Variants in LPGAT1 observed in about 807,000 individuals in gnomAD.
The protein encoded by LPGAT1 is lysophosphatidylglycerol acyltransferase 1.
LPGAT1 carries 11 observed loss-of-function variants against 47.5 expected under a neutral mutation model. The observed-to-expected ratio is 0.23, with a 90% CI of 0.15 to 0.38. The LOEUF (loss-of-function observed/expected upper bound fraction) is 0.38. Among genes scored for constraint, LPGAT1 ranks in the 10% least tolerant of loss-of-function variants. LPGAT1 has a pLI of 1.00. For synonymous variants in LPGAT1, 138 were observed against 144.2 expected (o/e 0.96, Z 0.31); for missense variants, 293 against 439.0 (o/e 0.67, Z 2.97).
chr1:211,748,368 GA>G lies in LPGAT1; in HGVS notation c.*1530del, dbSNP rs972822216. 4 of 152,226 alleles carry G rather than the reference GA, an allele frequency of 2.6e-5. No individual in the cohort carries two copies. Among genetic ancestry groups the G allele is most frequent in the Non-Finnish European group, 5.9e-5 (4 of 68,034 alleles). 9.4% of individuals were successfully genotyped at this position (152,226 alleles called of 1,614,324 possible). ...TTCTAAAAAATGTTTTCTAGAAATA[GA>G]AACTTGACTTTACCCTCTTCAAAAG... On this transcript the variant is annotated 3_prime_UTR_variant, in exon 8 of 8. Coordinates refer to ENST00000366997, the MANE Select transcript of LPGAT1 (RefSeq NM_014873.3).
At chr1:211,783,612 T>C (rs1324114010) in intron 4 of LPGAT1, 110 bp from the exon 5 acceptor site, 1 of 1,007,998 alleles carries the variant, frequency 9.9e-7, no homozygotes, top group Non-Finnish European at 1.4e-6. Context: ...CAGAATAGAA[T>C]AGTGATTCCC....
intron 2 of LPGAT1, among the ~76,000 whole-genome samples, chr1:211,803,265 T>A (rs79889342): frequency 2.0e-5 from 3 of 152,206 alleles, no homozygotes; most frequent in Non-Finnish European, 4.4e-5. Context: ...GATGGTATGT[T>A]TCACTAAAAT....
chr1:211,783,320 C>G lies in LPGAT1; in HGVS notation c.636G>C (p.Leu212=). Residue 212 remains leucine (L), a synonymous_variant, in exon 5 of 8, where the codon CTG becomes CTC. Transcript: ENST00000366997. ...TAATTTTTGTTGCCCCAGACCTTGG[C>G]AGAGTAACATTTGTAAGAAATGGCA... The part of the protein sequence containing the change: ...NNLPFLTNVT[L]PRSGATKIIL... The G allele has an allele frequency of 6.2e-7, 1 of 1,614,150 alleles. No homozygotes were observed. The highest frequency in any genetic ancestry group is 8.5e-7 in the Non-Finnish European group (1 of 1,180,016).
chr1:211,789,329 C>T lies in LPGAT1; in HGVS notation c.358-1602G>A, dbSNP rs532227078. ...TGGGTTTTAAATGCCAAATAACTAG[C>T]TTTTATATTTAACCTTTCATTCATG... On this transcript the variant is annotated intron_variant, in intron 3 of 7. Coordinates refer to ENST00000366997, the MANE Select transcript of LPGAT1 (RefSeq NM_014873.3). 9.9e-5 allele frequency among the ~76,000 whole-genome samples: 15 copies of T among 152,206 alleles called. No homozygotes were observed. In the South Asian group the frequency reaches 3.1e-3, roughly 32 times the overall value.
At chr1:211,828,416 C>T (rs1660609741) in intron 2 of LPGAT1, among the ~76,000 whole-genome samples, 1 of 152,154 alleles carries the variant, frequency 6.6e-6, no homozygotes, top group Admixed American at 6.5e-5. Flanking sequence ...GTTACTCTTG[C>T]TTCCCCAAAT....
intron 6 of LPGAT1, among the ~76,000 whole-genome samples, chr1:211,763,489 T>C (rs181802331): frequency 3.4e-4 from 52 of 152,268 alleles, no homozygotes; most frequent in African/African-American, 1.2e-3. Flanking sequence ...TCCACAACTG[T>C]GAGAAAGAAA....
Position 211,744,949 on chromosome 1 carries a change from C to T in LPGAT1, c.*4950G>A, listed in dbSNP as rs183417774. 2.6e-5 allele frequency: 4 copies of T among 152,672 alleles called. No homozygotes were observed. In the East Asian group the frequency reaches 7.7e-4, roughly 29 times the overall value. 9.5% of individuals were successfully genotyped at this position (152,672 alleles called of 1,614,324 possible). A position where few individuals can be genotyped will look rare whatever the true frequency, so the allele number is the denominator to read the frequency against. ...AAATAGCTCTGGTAAAACACACATG[C>T]CCCATCCCCACTGCTAAGAATTAAA... is the stretch of plus-strand genomic sequence containing the variant. On this transcript the variant is annotated 3_prime_UTR_variant, in exon 8 of 8. Transcript: ENST00000366997.
chr1:211,795,475 C>T lies in LPGAT1; in HGVS notation c.239-2285G>A, dbSNP rs540125842. 4.6e-5 allele frequency among the ~76,000 whole-genome samples: 7 copies of T among 152,306 alleles called. No individual in the cohort carries two copies. In the East Asian group the frequency reaches 1.4e-3, roughly 29 times the overall value. On this transcript the variant is annotated intron_variant, in intron 2 of 7. Transcript: ENST00000366997. ...CTCCGACTCCCAGGTTCAAGCGATT[C>T]TCCTGCCTCAGCCTCCCAAGTAGCT...
At chr1:211,753,154 T>C (rs1657275880) in intron 6 of LPGAT1, among the ~76,000 whole-genome samples, 2 of 152,214 alleles carry the variant, frequency 1.3e-5, no homozygotes, top group East Asian at 3.8e-4. Flanking sequence ...CCCTTCACCA[T>C]TGTCCTGGTG....
intron 2 of LPGAT1, among the ~76,000 whole-genome samples, chr1:211,810,196 C>T (rs1370260589): frequency 6.6e-6 from 1 of 152,154 alleles, no homozygotes; most frequent in African/African-American, 2.4e-5. Context: ...CCCCAAAGCA[C>T]TAATTGATAT....
At chr1:211,763,122 T>TC (rs1369729966) in intron 6 of LPGAT1, among the ~76,000 whole-genome samples, 13 of 152,208 alleles carry the variant, frequency 8.5e-5, no homozygotes, top group African/African-American at 3.1e-4. Context: ...ATAAAAGAGA[T>TC]ATCACTTGAA....
At chr1:211,823,535 C>G (rs1660434953) in intron 2 of LPGAT1, among the ~76,000 whole-genome samples, 1 of 152,150 alleles carries the variant, frequency 6.6e-6, no homozygotes, top group Non-Finnish European at 1.5e-5. Flanking sequence ...AGTCTCCCCA[C>G]CAAGGCTGCT....
intron 2 of LPGAT1, among the ~76,000 whole-genome samples, chr1:211,798,413 A>C (rs1375721879): frequency 6.6e-6 from 1 of 152,160 alleles, no homozygotes; most frequent in East Asian, 1.9e-4. Context: ...AGCTGGGCAC[A>C]GTGCCTCATA....
At chr1:211,829,414 A>G in intron 1 of LPGAT1, 91 bp from the exon 2 acceptor site, 1 of 1,530,368 alleles carries the variant, frequency 6.5e-7, no homozygotes. Flanking sequence ...AGCACAAAAT[A>G]AAACAGCGAG....
Position 211,763,097 on chromosome 1 carries a change from T to C in LPGAT1, c.855-12030A>G, listed in dbSNP as rs138652437. Reference sequence around the variant, plus strand: ...AAATGAGGGAATGTGTGTATCTACTTATGGCATGGGACATATAAAAGAGAT... The same window carrying C: ...AAATGAGGGAATGTGTGTATCTACTCATGGCATGGGACATATAAAAGAGAT... On this transcript the variant is annotated intron_variant, in intron 6 of 7. Transcript: ENST00000366997. Among the ~76,000 whole-genome samples the C allele has an allele frequency of 1.1e-4, 16 of 152,312 alleles. No homozygotes were observed. In the East Asian group the frequency reaches 1.3e-3, roughly 13 times the overall value.
chr1:211,822,686 G>A (rs1391535975), intron 2 of LPGAT1, among the ~76,000 whole-genome samples: 1 of 151,978 alleles, frequency 6.6e-6, no homozygotes, highest in Non-Finnish European at 1.5e-5. Context: ...GCTGAGACAG[G>A]AGAATCACTT....
intron 5 of LPGAT1, among the ~76,000 whole-genome samples, chr1:211,781,207 G>A (rs1387705909): frequency 6.6e-6 from 1 of 152,110 alleles, no homozygotes; most frequent in Non-Finnish European, 1.5e-5. Flanking sequence ...AAAGCTTTCA[G>A]GTAGGATTAA....
chr1:211,784,733 C>T (rs1658785737), intron 4 of LPGAT1, among the ~76,000 whole-genome samples: 1 of 150,498 alleles, frequency 6.6e-6, no homozygotes, highest in African/African-American at 2.4e-5. Flanking sequence ...GACCTGAAGT[C>T]TAAAAAGAAG....
At position 211,830,511 on chromosome 1, in the gene LPGAT1, C is replaced by T; in HGVS notation, c.-28+62G>A. The T allele has an allele frequency of 8.3e-7, 1 of 1,199,452 alleles. No homozygotes were observed. Among genetic ancestry groups the T allele is most frequent in the Non-Finnish European group, 1.0e-6 (1 of 966,622 alleles). 74.3% of individuals were successfully genotyped at this position (1,199,452 alleles called of 1,614,324 possible). On this transcript the variant is annotated intron_variant, in intron 1 of 7. Coordinates refer to ENST00000366997, the MANE Select transcript of LPGAT1 (RefSeq NM_014873.3). The surrounding 1 kb of genome is among the most constrained non-coding windows in gnomAD (Gnocchi z 5.9). Reference sequence around the variant, plus strand: ...ACGACACCCCCTTCCCCGCCCCCAGCGCCTCCCCTGGCCCGGCTCCGCTGC... The same window carrying T: ...ACGACACCCCCTTCCCCGCCCCCAGTGCCTCCCCTGGCCCGGCTCCGCTGC...
Sources: allele counts gnomAD v4.1 joint callset (sites outside exome capture counted in the v4.1 genomes callset), GRCh38; gene constraint gnomAD v4.1.1; non-coding constraint Gnocchi (gnomAD v3.1); transcripts MANE v1.5; gene names NCBI Gene and HGNC (gene_info 2026-07-23, HGNC 2026-07-21).